CLEC4A: variants seen among roughly 807,000 people sequenced by gnomAD.
The protein encoded by CLEC4A is C-type lectin domain family 4 member A, also known as C-type (calcium dependent, carbohydrate-recognition domain) lectin, superfamily member 6.
Under a neutral mutation model 32.7 loss-of-function variants are expected in CLEC4A, and 27 were observed. The ratio of observed to expected loss-of-function variants is 0.83; its 90% CI spans 0.61 to 1.14. CLEC4A has a LOEUF of 1.14. CLEC4A is among the 50% of genes most tolerant of loss of function. The pLI is 0.00. For synonymous variants in CLEC4A, 89 were observed against 93.7 expected, an observed-to-expected ratio of 0.95 and a Z score of 0.29; for missense variants, 253 against 274.6, an observed-to-expected ratio of 0.92 and a Z score of 0.55.
the CLEC4A span, among the ~76,000 whole-genome samples, chr12:8,108,608 A>C: frequency 1.3e-5 from 2 of 152,180 alleles, no homozygotes; most frequent in Admixed American, 6.5e-5. Flanking sequence ...GTTTATATAG[A>C]TGGTTTTCAC....
At chr12:8,126,496 A>G (rs1020858482) in intron 2 of CLEC4A, among the ~76,000 whole-genome samples, 1 of 151,582 alleles carries the variant, frequency 6.6e-6, no homozygotes, top group African/African-American at 2.4e-5. Flanking sequence ...CTGGGATTAC[A>G]GGCATGAGTC....
At chr12:8,116,083 C>G in the CLEC4A span, among the ~76,000 whole-genome samples, 1 of 152,094 alleles carries the variant, frequency 6.6e-6, no homozygotes, top group East Asian at 1.9e-4. Flanking sequence ...GCCTCAGCCT[C>G]CCAAGTAGCT....
At chr12:8,113,195 C>G in the CLEC4A span, among the ~76,000 whole-genome samples, 1 of 148,576 alleles carries the variant, frequency 6.7e-6, no homozygotes, top group Non-Finnish European at 1.5e-5. Flanking sequence ...CAATTCCCAC[C>G]TGTGAGTGAG....
rs149587652 is a variant in CLEC4A, at chr12:8,129,314, C to A, written c.250C>A (p.Leu84Met). 91 of 1,606,594 alleles carry A rather than the reference C, an allele frequency of 5.7e-5. No individual in the cohort carries two copies. Among genetic ancestry groups the A allele is most frequent in the Non-Finnish European group, 7.6e-5 (89 of 1,177,646 alleles). Residue 84 changes from leucine (L) to methionine (M), a missense_variant, in exon 3 of 6, where the codon CTG (leucine) becomes ATG (methionine). Coordinates refer to ENST00000229332, the MANE Select transcript of CLEC4A (RefSeq NM_016184.4). ...QLLEKKTTKE[L>M]VHTTLECVKK... ...TCTTGAAAAAAAGACTACAAAAGAG[C>A]TGGTTCATACAACATTGGAGTGTGT...
At chr12:8,126,449 G>C (rs773142765) in intron 2 of CLEC4A, among the ~76,000 whole-genome samples, 10 of 151,072 alleles carry the variant, frequency 6.6e-5, no homozygotes, top group Non-Finnish European at 2.9e-5. Flanking sequence ...TGAACTCCTG[G>C]GCTCAAGCAG....
intron 5 of CLEC4A, among the ~76,000 whole-genome samples, chr12:8,137,832 C>G (rs1362473232): frequency 1.3e-5 from 2 of 152,000 alleles, no homozygotes; most frequent in Non-Finnish European, 2.9e-5. Context: ...CAAGGACACC[C>G]TATAGGTTGA....
Position 8,123,779 on chromosome 12 carries a change from A to C in CLEC4A, c.-100A>C. On this transcript the variant is annotated 5_prime_UTR_variant, in exon 1 of 6. Coordinates refer to ENST00000229332, the MANE Select transcript of CLEC4A (RefSeq NM_016184.4). Reference sequence around the variant, plus strand: ...TGCTCTCCACTAGTTGAGTGAAAGGAAGGAGGTAATTTACCACCATGTTTG... The same window carrying C: ...TGCTCTCCACTAGTTGAGTGAAAGGCAGGAGGTAATTTACCACCATGTTTG... 1 of 768,506 alleles carries C rather than the reference A, an allele frequency of 1.3e-6. No homozygotes were observed. The highest frequency in any genetic ancestry group is 1.5e-5 in the South Asian group (1 of 64,866). 47.6% of individuals were successfully genotyped at this position (768,506 alleles called of 1,614,324 possible).
chr12:8,117,725 C>T, the CLEC4A span, among the ~76,000 whole-genome samples: 1 of 152,252 alleles, frequency 6.6e-6, no homozygotes, highest in Non-Finnish European at 1.5e-5. Flanking sequence ...CTCTATTTCA[C>T]TTCTATAGCT....
chr12:8,138,269 G>A lies in CLEC4A; in HGVS notation c.696G>A (p.Met232Ile). The A allele has an allele frequency of 6.2e-7, 1 of 1,614,160 alleles. No individual in the cohort carries two copies. The highest frequency in any genetic ancestry group is 2.2e-5 in the East Asian group (1 of 44,882). ...GTCCTCAAAGGTCAGTTTGTGAGAT[G>A]ATGAAGATCCACTTATGAACTGAAC... is the stretch of plus-strand genomic sequence containing the variant. ...CLGPQRSVCE[M>I]MKIHL Residue 232 changes from methionine to isoleucine, a missense_variant, in exon 6 of 6, where the codon ATG (methionine) becomes ATA (isoleucine). By Grantham distance (10) the Met-to-Ile change is conservative. Transcript: ENST00000229332.
rs1374746395 is a variant in CLEC4A, at chr12:8,136,641, G to C, written c.451-147G>C. On this transcript the variant is annotated intron_variant, in intron 4 of 5. Coordinates refer to ENST00000229332, the MANE Select transcript of CLEC4A (RefSeq NM_016184.4). ...CAAGCGATGTCTTTGATTCTGCCCT[G>C]CTCAGCCAGAGATCCCCATTCCTAC... 5.5e-6 allele frequency: 3 copies of C among 542,204 alleles called. No individual in the cohort carries two copies. The Admixed American group carries it at 9.2e-5, about 17-fold the overall frequency. The allele number at this position is 542,204 out of a possible 1,614,324, so 33.6% of individuals were successfully genotyped here. A position where few individuals can be genotyped will look rare whatever the true frequency, so the allele number is the denominator to read the frequency against.
At position 8,135,593 on chromosome 12, in the gene CLEC4A, T is replaced by C. The variant is rs749827004; in HGVS notation, c.307T>C (p.Trp103Arg). The change falls in exon 4 of 6, where the codon TGG (tryptophan) becomes CGG (arginine). Residue 103 changes from tryptophan (W) to arginine (R), a missense_variant. Trp to Arg is a moderately radical substitution (Grantham distance 101). Transcript: ENST00000229332. ...KKNMPVEETA[W>R]SCCPKNWKSF... ...CCCTCTTCCCAATACAGAGACAGCC[T>C]GGAGCTGTTGCCCAAAGAATTGGAA... The C allele has an allele frequency of 3.7e-6, 6 of 1,614,092 alleles. No individual in the cohort carries two copies. The highest frequency in any genetic ancestry group is 2.5e-6 in the Non-Finnish European group (3 of 1,179,906).
At chr12:8,106,444 A>T in the CLEC4A span, among the ~76,000 whole-genome samples, 1 of 152,196 alleles carries the variant, frequency 6.6e-6, no homozygotes, top group African/African-American at 2.4e-5. Flanking sequence ...TGGTAGTTTG[A>T]TAGGAATAGC....
chr12:8,116,425 C>T, the CLEC4A span, among the ~76,000 whole-genome samples: 5 of 152,116 alleles, frequency 3.3e-5, no homozygotes, highest in East Asian at 7.7e-4. Flanking sequence ...CATTAAGGGC[C>T]GAGTACTGTA....
At chr12:8,137,971 G>T (rs1422461997) in intron 5 of CLEC4A, among the ~76,000 whole-genome samples, 169 bp from the exon 6 acceptor site, 1 of 152,178 alleles carries the variant, frequency 6.6e-6, no homozygotes, top group Non-Finnish European at 1.5e-5. Context: ...CAAAGGAAAT[G>T]CCGGAAATGC....
the CLEC4A span, among the ~76,000 whole-genome samples, chr12:8,115,344 T>C: frequency 1.3e-5 from 2 of 152,218 alleles, no homozygotes; most frequent in Admixed American, 1.3e-4. Flanking sequence ...CACCAATTTT[T>C]GGGCCCCATT....
chr12:8,136,128 A>T (rs1948112614), intron 4 of CLEC4A, among the ~76,000 whole-genome samples: 1 of 152,260 alleles, frequency 6.6e-6, no homozygotes, highest in Non-Finnish European at 1.5e-5. Flanking sequence ...CAGGAATGAA[A>T]ATAAAGAATC....
At position 8,129,363 on chromosome 12, in the gene CLEC4A, G is replaced by A. The variant is rs1947955999; in HGVS notation, c.298+1G>A. On this transcript the variant is annotated splice_donor_variant, in intron 3 of 5. Transcript: ENST00000229332. LOFTEE classifies it high-confidence loss of function. ...GTGAAAAAAAATATGCCCGTGGAAG[G>A]TAAAAATTAATGTGCCTAGAATTCA... is the stretch of plus-strand genomic sequence containing the variant. The A allele has an allele frequency of 1.9e-6, 3 of 1,588,684 alleles. No homozygotes were observed. The highest frequency in any genetic ancestry group is 1.7e-6 in the Non-Finnish European group (2 of 1,159,402).
chr12:8,114,389 C>T, the CLEC4A span, among the ~76,000 whole-genome samples: 6 of 152,174 alleles, frequency 3.9e-5, no homozygotes, highest in Non-Finnish European at 7.4e-5. Flanking sequence ...GGACCACAGG[C>T]GCCCGCCACC....
At chr12:8,132,326 AT>A (rs1398577863) in intron 3 of CLEC4A, among the ~76,000 whole-genome samples, 1 of 152,206 alleles carries the variant, frequency 6.6e-6, no homozygotes, top group Admixed American at 6.5e-5. Flanking sequence ...GTCCTATGAA[AT>A]TTGATAATTT....
Sources: allele counts gnomAD v4.1 joint callset (sites outside exome capture counted in the v4.1 genomes callset), GRCh38; gene constraint gnomAD v4.1.1; transcripts MANE v1.5; gene names NCBI Gene and HGNC (gene_info 2026-07-23, HGNC 2026-07-21).